Variants in BCAP31 observed in about 807,000 individuals in gnomAD.
BCAP31 encodes B-cell receptor-associated protein 31.
For missense variants in BCAP31, 124 were observed against 193.0 expected (o/e 0.64, Z 2.12); for synonymous variants, 75 against 80.9 (o/e 0.93, Z 0.39).
chrX:153,722,104 A>G (rs185809728), intron 2 of BCAP31, among the ~76,000 whole-genome samples: 112 of 111,403 alleles, frequency 1.0e-3, no homozygotes, highest in African/African-American at 3.4e-3. Flanking sequence ...GATGAGATGG[A>G]CCCCAGACCT....
chrX:153,705,939 G>A (rs1183643898), intron 4 of BCAP31, among the ~76,000 whole-genome samples: 3 of 112,297 alleles, frequency 2.7e-5, no homozygotes, highest in Admixed American at 9.4e-5. Flanking sequence ...AAATGCTTCC[G>A]CGGCAGTGCA....
chrX:153,709,479 C>T (rs2091575676), intron 4 of BCAP31, among the ~76,000 whole-genome samples: 1 of 112,159 alleles, frequency 8.9e-6, no homozygotes, highest in Non-Finnish European at 1.9e-5. Flanking sequence ...CCTCTGAACA[C>T]ACAAACCCCA....
chrX:153,711,335 C>T (rs1197778824), intron 4 of BCAP31, among the ~76,000 whole-genome samples: 1 of 112,247 alleles, frequency 8.9e-6, no homozygotes, highest in African/African-American at 3.2e-5. Context: ...GCAAGTCTCA[C>T]TGACAACCTC....
chrX:153,710,023 A>G (rs1557048896), intron 4 of BCAP31, among the ~76,000 whole-genome samples: 2 of 112,562 alleles, frequency 1.8e-5, no homozygotes, highest in African/African-American at 6.5e-5. Context: ...ATTCACGAAG[A>G]GGAGGTGCCG....
At chrX:153,713,881 C>CTTTTTTTT (rs1209475410) in intron 4 of BCAP31, among the ~76,000 whole-genome samples, 15 of 63,496 alleles carry the variant, frequency 2.4e-4, no homozygotes, top group African/African-American at 8.9e-4. Context: ...CGATACTATT[C>CTTTTTTTT]TTTTTTTTTT....
intron 3 of BCAP31, among the ~76,000 whole-genome samples, chrX:153,719,938 G>A (rs976087817): frequency 5.4e-5 from 6 of 111,625 alleles, no homozygotes; most frequent in Non-Finnish European, 1.1e-4. Flanking sequence ...ACCTGCTAGT[G>A]TACACCTCAA....
intron 4 of BCAP31, among the ~76,000 whole-genome samples, chrX:153,715,163 G>A (rs906331044): frequency 1.8e-5 from 2 of 111,692 alleles, no homozygotes; most frequent in Admixed American, 9.5e-5. Flanking sequence ...TCAACACCCC[G>A]GACACAAAGA....
intron 2 of BCAP31, among the ~76,000 whole-genome samples, chrX:153,722,433 G>A (rs537716201): frequency 4.5e-5 from 5 of 111,398 alleles, no homozygotes; most frequent in African/African-American, 1.6e-4. Flanking sequence ...AAGCTCCCCG[G>A]GGCCCTCTAT....
intron 3 of BCAP31, among the ~76,000 whole-genome samples, chrX:153,719,749 G>A (rs904023090): frequency 3.6e-5 from 4 of 111,377 alleles, no homozygotes; most frequent in African/African-American, 1.3e-4. Context: ...GGGACATATC[G>A]ATCACTTACC....
rs17174313 is a variant in BCAP31, at chrX:153,711,407, T to C, written c.341+4135A>G. 8.3e-3 allele frequency among the ~76,000 whole-genome samples: 935 copies of C among 112,139 alleles called. 5 individuals are homozygous for C. The highest frequency in any genetic ancestry group is 0.012 in the Non-Finnish European group (639 of 53,202). On this transcript the variant is annotated intron_variant, in intron 4 of 7. Transcript: ENST00000345046. The stretch of plus-strand genomic sequence containing the variant: ...CTCCAACCCATACACCCTTGCAAAA[T>C]GTTAATCCACACAGGTGACTGCATG...
Position 153,704,074 on chromosome X carries a change from G to A in BCAP31, c.362C>T (p.Thr121Ile). ...LLSFLLRRLV[T>I]LISQQATLLA... ...CAGCGTGGCCTGCTGCGAAATGAGA[G>A]TCACCAGGCGTCTAAGCAGGCTGCA... Residue 121 changes from threonine to isoleucine, a missense_variant, in exon 5 of 8, where the codon ACT becomes ATT. By Grantham distance (89) the Thr-to-Ile change is moderately conservative. Coordinates refer to ENST00000345046, the MANE Select transcript of BCAP31 (RefSeq NM_001256447.2). 3.3e-6 allele frequency: 4 copies of A among 1,210,016 alleles called. No individual in the cohort carries two copies. The highest frequency in any genetic ancestry group is 4.5e-6 in the Non-Finnish European group (4 of 894,578).
chrX:153,701,856 G>C (rs2091520190), intron 7 of BCAP31, 151 bp downstream of exon 7: 1 of 472,483 alleles, frequency 2.1e-6, no homozygotes, highest in Non-Finnish European at 3.4e-6. Context: ...CCCGGTGAAG[G>C]GTCCCACTCA....
intron 4 of BCAP31, among the ~76,000 whole-genome samples, chrX:153,706,877 TCCTC>T (rs782010244): frequency 1.1e-4 from 12 of 111,649 alleles, no homozygotes; most frequent in Non-Finnish European, 1.9e-4. Flanking sequence ...TGCTGGCGCC[TCCTC>T]CCTATCTGCT....
chrX:153,703,662 G>C lies in BCAP31; in HGVS notation c.477+297C>G, dbSNP rs782344941. 1.2e-4 allele frequency among the ~76,000 whole-genome samples: 14 copies of C among 112,745 alleles called. No individual in the cohort carries two copies. In the East Asian group the frequency reaches 3.4e-3, roughly 27 times the overall value. Reference sequence around the variant, plus strand: ...CCTAGCTGAGGGCCTTCGGATCACAGCAGAGGGCCTGGCTCACTGAGGGGC... The same window carrying C: ...CCTAGCTGAGGGCCTTCGGATCACACCAGAGGGCCTGGCTCACTGAGGGGC... On this transcript the variant is annotated intron_variant, in intron 5 of 7. Coordinates refer to ENST00000345046, the MANE Select transcript of BCAP31 (RefSeq NM_001256447.2).
chrX:153,719,041 C>T (rs2091647843), intron 3 of BCAP31, among the ~76,000 whole-genome samples: 1 of 112,193 alleles, frequency 8.9e-6, no homozygotes. Context: ...GAGTAGGAAG[C>T]AGCCAGTCAT....
At chrX:153,712,386 G>T (rs2091597670) in intron 4 of BCAP31, among the ~76,000 whole-genome samples, 1 of 101,701 alleles carries the variant, frequency 9.8e-6, no homozygotes, top group Non-Finnish European at 2.0e-5. Context: ...CTGGGTGATG[G>T]AGCGAGACCT....
intron 5 of BCAP31, among the ~76,000 whole-genome samples, chrX:153,703,531 G>A (rs1401610230): frequency 8.8e-6 from 1 of 113,104 alleles, no homozygotes; most frequent in African/African-American, 3.2e-5. Context: ...CTGACGGGAC[G>A]TCTAAGACTG....
intron 3 of BCAP31, among the ~76,000 whole-genome samples, chrX:153,717,596 T>G (rs781985968): frequency 8.9e-6 from 1 of 112,488 alleles, no homozygotes; most frequent in East Asian, 2.8e-4. Flanking sequence ...TCTTTTTCTA[T>G]TTTTGGTAGA....
At chrX:153,703,287 C>T (rs1197183076) in intron 5 of BCAP31, among the ~76,000 whole-genome samples, 13 of 113,401 alleles carry the variant, frequency 1.1e-4, no homozygotes, top group African/African-American at 4.2e-4. Flanking sequence ...TGCTGCAGCT[C>T]GCCGGGCACG....
Sources: allele counts gnomAD v4.1 joint callset (sites outside exome capture counted in the v4.1 genomes callset), GRCh38; gene constraint gnomAD v4.1.1; transcripts MANE v1.5; gene names NCBI Gene and HGNC (gene_info 2026-07-23, HGNC 2026-07-21).